The following HGF variants were observed in gnomAD, a reference collection of about 807,000 sequenced individuals.
HGF encodes the protein hepatocyte growth factor, also known as fibroblast-derived tumor cytotoxic factor.
A neutral mutation model predicts 111.6 loss-of-function variants in HGF; 39 were observed. The ratio of observed to expected loss-of-function variants is 0.35; its 90% CI spans 0.27 to 0.46. The LOEUF is 0.46. Ranked by LOEUF, HGF falls within the 20% of genes least tolerant of loss-of-function variation. HGF has a pLI of 1.00. For synonymous variants in HGF, 285 were observed against 294.8 expected (o/e 0.97, Z 0.34); for missense variants, 735 against 910.5 (o/e 0.81, Z 2.48).
intron 7 of HGF, among the ~76,000 whole-genome samples, chr7:81,731,438 A>G (rs542977019): frequency 2.0e-5 from 3 of 152,304 alleles, no homozygotes; most frequent in Admixed American, 2.0e-4. Flanking sequence ...GAATTCATCT[A>G]TATTGATATT....
At chr7:81,745,175 A>C in intron 5 of HGF, 55 bp from the exon 6 acceptor site, 8 of 1,589,320 alleles carry the variant, frequency 5.0e-6, no homozygotes, top group Non-Finnish European at 6.9e-6. Context: ...AATCAAAAAC[A>C]CCACTGTTGC....
Position 81,748,391 on chromosome 7 carries a change from G to A in HGF, c.626-3271C>T, listed in dbSNP as rs1788361758. Among the ~76,000 whole-genome samples the A allele has an allele frequency of 2.0e-5, 3 of 152,100 alleles. No homozygotes were observed. In the South Asian group the frequency reaches 6.2e-4, roughly 31 times the overall value. ...ATCCAAAGTCAATGGCTGAAAAGTTGGCTGTTTTACCACGGAATCAAGCCA... is the reference window on the plus strand; with the variant it reads ...ATCCAAAGTCAATGGCTGAAAAGTTAGCTGTTTTACCACGGAATCAAGCCA... On this transcript the variant is annotated intron_variant, in intron 5 of 17. Transcript: ENST00000222390.
Position 81,725,884 on chromosome 7 carries a change from T to C in HGF, c.1168+6A>G. On this transcript the variant is annotated splice_donor_region_variant and intron_variant, in intron 9 of 17. Coordinates refer to ENST00000222390, the MANE Select transcript of HGF (RefSeq NM_000601.6). ...CATGCCCACCCTGCAGAATGTCAGC[T>C]ATTACCTTGTCCATGTGACATATCA... 2 of 1,614,118 alleles carry C rather than the reference T, an allele frequency of 1.2e-6. No homozygotes were observed. The highest frequency in any genetic ancestry group is 1.7e-6 in the Non-Finnish European group (2 of 1,179,952).
intron 4 of HGF, among the ~76,000 whole-genome samples, chr7:81,754,677 T>A (rs974832556): frequency 6.6e-6 from 1 of 152,154 alleles, no homozygotes; most frequent in Non-Finnish European, 1.5e-5. Flanking sequence ...GTCTGGGTCA[T>A]CTCTTTTCTT....
rs190770462 is a variant in HGF, at chr7:81,751,664, A to G, written c.625+456T>C. ...TTCCAGTGATCCCTTCTTATATTGT[A>G]TTATCTTCTGGGTCCATATACCCTT... is the stretch of plus-strand genomic sequence containing the variant. On this transcript the variant is annotated intron_variant, in intron 5 of 17. Coordinates refer to ENST00000222390, the MANE Select transcript of HGF (RefSeq NM_000601.6). The G allele has an allele frequency of 1.7e-5, 17 of 1,007,702 alleles. No individual in the cohort carries two copies. The East Asian group carries it at 9.0e-4, about 53-fold the overall frequency. The allele number at this position is 1,007,702 out of a possible 1,614,324, so 62.4% of individuals were successfully genotyped here. A position where few individuals can be genotyped will look rare whatever the true frequency, so the allele number is the denominator to read the frequency against.
chr7:81,765,226 C>T (rs536123888), intron 1 of HGF, among the ~76,000 whole-genome samples: 4 of 152,026 alleles, frequency 2.6e-5, no homozygotes, highest in African/African-American at 9.6e-5. Context: ...TTTCTCAATG[C>T]CACGCAAAAT....
intron 8 of HGF, among the ~76,000 whole-genome samples, chr7:81,727,126 C>T (rs1266490546): frequency 2.6e-5 from 4 of 151,362 alleles, no homozygotes; most frequent in Admixed American, 1.3e-4. Context: ...CTGCAAGCTC[C>T]GCCTCCCAGG....
chr7:81,727,554 G>A (rs1411068493), intron 8 of HGF, among the ~76,000 whole-genome samples: 1 of 141,326 alleles, frequency 7.1e-6, no homozygotes, highest in Non-Finnish European at 1.5e-5. Context: ...TGGAATAGAT[G>A]AGACAAGCAA....
intron 7 of HGF, among the ~76,000 whole-genome samples, chr7:81,742,012 A>AG (rs1788029473): frequency 6.6e-6 from 1 of 151,894 alleles, no homozygotes; most frequent in African/African-American, 2.4e-5. Context: ...GAAGGGAAAC[A>AG]GTTGGTTTAT....
intron 3 of HGF, 141 bp downstream of exon 3, chr7:81,758,551 C>T: frequency 1.6e-6 from 1 of 641,514 alleles, no homozygotes; most frequent in Non-Finnish European, 2.8e-6. Flanking sequence ...TTTCAACTGT[C>T]TTAATGGATG....
intron 9 of HGF, among the ~76,000 whole-genome samples, chr7:81,725,413 G>T (rs1229351874): frequency 6.6e-6 from 1 of 152,126 alleles, no homozygotes; most frequent in Non-Finnish European, 1.5e-5. Context: ...CATGGCACAT[G>T]CTGCTCCCTC....
chr7:81,751,742 G>A (rs1788516085), intron 5 of HGF: 3 of 1,049,284 alleles, frequency 2.9e-6, no homozygotes, highest in Non-Finnish European at 3.5e-6. Flanking sequence ...GCAGGTGCTG[G>A]TTGAATAGAA....
intron 7 of HGF, 98 bp downstream of exon 7, chr7:81,743,255 A>ATC (rs1304514384): frequency 2.4e-6 from 2 of 817,972 alleles, no homozygotes; most frequent in Non-Finnish European, 4.4e-6. Context: ...ACATTAAAGC[A>ATC]TCAAGTTAAA....
chr7:81,717,329 A>T lies in HGF; in HGVS notation c.1308T>A (p.Asn436Lys). ...IFWEPDASKL[N>K]ENYCRNPDDD... ...CATCTGGATTTCGGCAGTAATTCTCATTCAGCTTACTTGCATCTGGTTCCC... is the reference window on the plus strand; with the variant it reads ...CATCTGGATTTCGGCAGTAATTCTCTTTCAGCTTACTTGCATCTGGTTCCC... Residue 436 changes from asparagine to lysine, a missense_variant, in exon 11 of 18, where the codon AAT becomes AAA. Asn to Lys is a moderately conservative substitution (Grantham distance 94). This residue lies in a region of HGF where 553 missense variants were observed against 685.6 expected (regional missense o/e 0.81). Transcript: ENST00000222390. 6.2e-7 allele frequency: 1 copy of T among 1,613,784 alleles called. No individual in the cohort carries two copies. The highest frequency in any genetic ancestry group is 8.5e-7 in the Non-Finnish European group (1 of 1,179,672).
chr7:81,710,861 A>G (rs1464907518), intron 12 of HGF, among the ~76,000 whole-genome samples: 2 of 152,158 alleles, frequency 1.3e-5, no homozygotes. Flanking sequence ...ACTTCTGCCC[A>G]TGGTCTAGAA....
intron 7 of HGF, 25 bp from the exon 8 acceptor site, chr7:81,729,804 A>C (rs1787584575): frequency 6.2e-7 from 1 of 1,609,578 alleles, no homozygotes; most frequent in Non-Finnish European, 8.5e-7. Context: ...CAACAACAAA[A>C]AAAAACTTAT....
chr7:81,754,626 T>C lies in HGF; in HGVS notation c.483-2364A>G, dbSNP rs146676618. 5.9e-3 allele frequency among the ~76,000 whole-genome samples: 903 copies of C among 152,138 alleles called. 11 individuals carry two copies. The highest frequency in any genetic ancestry group is 0.028 in the South Asian group (134 of 4,816). ...TCCTTTCCACAATTCTGAATGCAAT[T>C]CATATCAAAAACCTCTCTAGGACAT... On this transcript the variant is annotated intron_variant, in intron 4 of 17. Transcript: ENST00000222390.
chr7:81,726,625 T>C (rs1215279876), intron 8 of HGF, among the ~76,000 whole-genome samples: 1 of 152,110 alleles, frequency 6.6e-6, no homozygotes, highest in African/African-American at 2.4e-5. Flanking sequence ...AAAATCTTTA[T>C]ATATATTTCT....
Position 81,748,094 on chromosome 7 carries a change from AC to A in HGF, c.626-2975del, listed in dbSNP as rs964390444. Among the ~76,000 whole-genome samples, 5 of 152,136 alleles carry A rather than the reference AC, an allele frequency of 3.3e-5. 1 individual carries two copies. The highest frequency in any genetic ancestry group is 5.9e-5 in the Non-Finnish European group (4 of 68,016). On this transcript the variant is annotated intron_variant, in intron 5 of 17. Coordinates refer to ENST00000222390, the MANE Select transcript of HGF (RefSeq NM_000601.6). ...CTGAGCCAGGAACACAAATCTTCTG[AC>A]CCATAGTCTTAGTATTTTTTTTGCA...
Sources: allele counts gnomAD v4.1 joint callset (sites outside exome capture counted in the v4.1 genomes callset), GRCh38; gene constraint gnomAD v4.1.1; regional missense constraint gnomAD v4.1.1; transcripts MANE v1.5; gene names NCBI Gene and HGNC (gene_info 2026-07-23, HGNC 2026-07-21).